KCNQ1: variants seen among roughly 807,000 people sequenced by gnomAD.
The protein encoded by KCNQ1 is potassium voltage-gated channel subfamily Q member 1.
A neutral mutation model predicts 72.4 loss-of-function variants in KCNQ1; 49 were observed. That is an observed-to-expected ratio of 0.68 (90% confidence interval 0.54 to 0.86). The LOEUF (loss-of-function observed/expected upper bound fraction) is 0.86. Among genes scored for constraint, KCNQ1 ranks in the 40% least tolerant of loss-of-function variants. KCNQ1 has a pLI of 0.00. For missense variants in KCNQ1, 790 were observed against 945.1 expected (o/e 0.84, Z 2.15); for synonymous variants, 450 against 412.6 (o/e 1.09, Z -1.10).
At chr11:2,556,042 A>G (rs927627164) in intron 2 of KCNQ1, among the ~76,000 whole-genome samples, 2 of 152,196 alleles carry the variant, frequency 1.3e-5, no homozygotes, top group Non-Finnish European at 1.5e-5. Flanking sequence ...TCTGAGCTCC[A>G]GGTATCAGCG....
intron 1 of KCNQ1, among the ~76,000 whole-genome samples, chr11:2,502,767 T>C (rs1589916078): frequency 6.6e-6 from 1 of 152,164 alleles, no homozygotes; most frequent in Non-Finnish European, 1.5e-5. Flanking sequence ...AGGGAGCACA[T>C]TACCTGAGTT....
At position 2,515,112 on chromosome 11, in the gene KCNQ1, C is replaced by A. The variant is rs531990974; in HGVS notation, c.387-12816C>A. 5.1e-4 allele frequency among the ~76,000 whole-genome samples: 78 copies of A among 152,264 alleles called. No homozygotes were observed. The highest frequency in any genetic ancestry group is 1.5e-3 in the African/African-American group (63 of 41,530). On this transcript the variant is annotated intron_variant, in intron 1 of 15. Transcript: ENST00000155840. The surrounding 1 kb of genome is among the most constrained non-coding windows in gnomAD (Gnocchi z 4.7). ...AATGGTGGGGTTTGGGCTTCTCGTG[C>A]GCCCATCAGCCGGATATTGGACGTT...
At chr11:2,799,150 A>G (rs572944855) in intron 15 of KCNQ1, among the ~76,000 whole-genome samples, 126 of 152,348 alleles carry the variant, frequency 8.3e-4, no homozygotes, top group African/African-American at 3.0e-3. Context: ...CGTGCCTGGA[A>G]CAGAAAGGGA....
At position 2,676,074 on chromosome 11, in the gene KCNQ1, C is replaced by T. The variant is rs1850288266; in HGVS notation, c.1514+13993C>T. On this transcript the variant is annotated intron_variant, in intron 11 of 15. Coordinates refer to ENST00000155840, the MANE Select transcript of KCNQ1 (RefSeq NM_000218.3). The surrounding 1 kb of genome is among the most constrained non-coding windows in gnomAD (Gnocchi z 4.2). ...TCTTTCCAGACGTATTTTATATAAA[C>T]AAATATACGTGTGTCTGTGTGTGCA... 1 of 398,476 alleles carries T rather than the reference C, an allele frequency of 2.5e-6. No homozygotes were observed. 24.7% of individuals were successfully genotyped at this position (398,476 alleles called of 1,614,324 possible).
At chr11:2,527,330 C>A (rs1030937072) in intron 1 of KCNQ1, among the ~76,000 whole-genome samples, 2 of 152,310 alleles carry the variant, frequency 1.3e-5, no homozygotes, top group African/African-American at 4.8e-5. Context: ...GGCTTCTGTG[C>A]TGTGACCACC....
In KCNQ1 at chr11:2,536,340, G is replaced by A. The variant is rs1037115740; in HGVS notation, c.477+8322G>A. 1.4e-4 allele frequency among the ~76,000 whole-genome samples: 22 copies of A among 152,224 alleles called. No individual in the cohort carries two copies. The highest frequency in any genetic ancestry group is 1.0e-3 in the South Asian group (5 of 4,822). On this transcript the variant is annotated intron_variant, in intron 2 of 15. Transcript: ENST00000155840. This position sits in a 1 kb window ranked among gnomAD's most constrained non-coding sequence, Gnocchi z 7.4. ...CCTGCGGCTCTTACAGGAGTCTCTC[G>A]TGCACCATTGCTCAACCCCCGAGAG...
At chr11:2,569,088 G>A (rs179485) in intron 2 of KCNQ1, among the ~76,000 whole-genome samples, 1 of 152,166 alleles carries the variant, frequency 6.6e-6, no homozygotes, top group Non-Finnish European at 1.5e-5. Flanking sequence ...GTTTCACCAT[G>A]TTGATCAGGC....
chr11:2,673,927 G>T lies in KCNQ1; in HGVS notation c.1514+11846G>T, dbSNP rs1184893123. 2.5e-6 allele frequency: 1 copy of T among 396,302 alleles called. No homozygotes were observed. Among genetic ancestry groups the T allele is most frequent in the South Asian group, 1.3e-4 (1 of 7,764 alleles). 24.5% of individuals were successfully genotyped at this position (396,302 alleles called of 1,614,324 possible). On this transcript the variant is annotated intron_variant, in intron 11 of 15. Transcript: ENST00000155840. The surrounding 1 kb of genome is among the most constrained non-coding windows in gnomAD (Gnocchi z 4.5). ...AGCTCACCGGGTGCTAGACAAGGGA[G>T]TGTGTCTCTTTCCCCATGAGTGACA... is the stretch of plus-strand genomic sequence containing the variant.
At position 2,752,022 on chromosome 11, in the gene KCNQ1, C is replaced by T. The variant is rs182962187; in HGVS notation, c.1515-16822C>T. Among the ~76,000 whole-genome samples, 1 of 152,354 alleles carries T rather than the reference C, an allele frequency of 6.6e-6. No individual in the cohort carries two copies. The highest frequency in any genetic ancestry group is 1.9e-4 in the East Asian group (1 of 5,184). On this transcript the variant is annotated intron_variant, in intron 11 of 15. Transcript: ENST00000155840. This position sits in a 1 kb window ranked among gnomAD's most constrained non-coding sequence, Gnocchi z 5.2. The stretch of plus-strand genomic sequence containing the variant: ...GCCACCTTGGCACCTCTCTGGGGTA[C>T]CTTGTACTGCCCTGTCCTCCCCACG...
chr11:2,563,054 G>A lies in KCNQ1; in HGVS notation c.478-7574G>A, dbSNP rs12363216. On this transcript the variant is annotated intron_variant, in intron 2 of 15. Coordinates refer to ENST00000155840, the MANE Select transcript of KCNQ1 (RefSeq NM_000218.3). This position sits in a 1 kb window ranked among gnomAD's most constrained non-coding sequence, Gnocchi z 7.4. Reference sequence around the variant, plus strand: ...TCATCCAGAGAGACAGGATGTGAGCGCAGCTGGTCAGAACCAGTTATTTCA... The same window carrying A: ...TCATCCAGAGAGACAGGATGTGAGCACAGCTGGTCAGAACCAGTTATTTCA... Among the ~76,000 whole-genome samples the A allele has an allele frequency of 2.3e-4, 35 of 152,174 alleles. No homozygotes were observed. The East Asian group carries it at 5.8e-3, about 25-fold the overall frequency.
intron 15 of KCNQ1, among the ~76,000 whole-genome samples, chr11:2,801,237 C>G (rs1253430528): frequency 6.6e-6 from 1 of 152,182 alleles, no homozygotes; most frequent in Non-Finnish European, 1.5e-5. Flanking sequence ...GTGGAGCTGT[C>G]TGTAGGTGGA....
intron 15 of KCNQ1, among the ~76,000 whole-genome samples, chr11:2,807,791 T>G (rs957732611): frequency 4.6e-5 from 7 of 151,922 alleles, no homozygotes; most frequent in Non-Finnish European, 8.8e-5. Flanking sequence ...TCTGCCTCTT[T>G]CCCCCATCAC....
chr11:2,733,810 A>G (rs1156747066), intron 11 of KCNQ1, among the ~76,000 whole-genome samples: 1 of 58,202 alleles, frequency 1.7e-5, no homozygotes, highest in African/African-American at 7.7e-5. Context: ...ACACACACAC[A>G]CACACTCTCT....
intron 15 of KCNQ1, among the ~76,000 whole-genome samples, chr11:2,789,491 G>A (rs1398711024): frequency 6.6e-6 from 1 of 152,216 alleles, no homozygotes; most frequent in Non-Finnish European, 1.5e-5. Context: ...CGCCACAGAC[G>A]AGCTTTTGCC....
At chr11:2,733,706 A>G (rs1845889776) in intron 11 of KCNQ1, among the ~76,000 whole-genome samples, 2 of 151,352 alleles carry the variant, frequency 1.3e-5, no homozygotes, top group Admixed American at 1.3e-4. Context: ...ATCTGAAGCT[A>G]TAGAGCCTCC....
chr11:2,586,141 T>TGCAGTGGCTGGGAGC (rs1188705914), intron 8 of KCNQ1, among the ~76,000 whole-genome samples: 2 of 152,164 alleles, frequency 1.3e-5, no homozygotes, highest in East Asian at 1.9e-4. Context: ...CTCCGCCCAG[T>TGCAGTGGCTGGGAGC]GCAGTGGCTG....
chr11:2,526,668 G>A lies in KCNQ1; in HGVS notation c.387-1260G>A, dbSNP rs1291180383. On this transcript the variant is annotated intron_variant, in intron 1 of 15. Coordinates refer to ENST00000155840, the MANE Select transcript of KCNQ1 (RefSeq NM_000218.3). The surrounding 1 kb of genome is among the most constrained non-coding windows in gnomAD (Gnocchi z 6.1). ...AGCCTGTTTGTTGTGGGCTCTGGGG[G>A]CCTGGGGAGGGTGGGCTGGGCTGTC... Among the ~76,000 whole-genome samples, 1 of 149,988 alleles carries A rather than the reference G, an allele frequency of 6.7e-6. No individual in the cohort carries two copies. Among genetic ancestry groups the A allele is most frequent in the Non-Finnish European group, 1.5e-5 (1 of 67,400 alleles).
chr11:2,814,974 T>C (rs1381022953), intron 15 of KCNQ1, among the ~76,000 whole-genome samples: 3 of 152,216 alleles, frequency 2.0e-5, no homozygotes, highest in Non-Finnish European at 2.9e-5. Flanking sequence ...CCCAGCGCTA[T>C]GCCCTTCTGA....
Position 2,588,044 on chromosome 11 carries a change from G to A in KCNQ1, c.1251+352G>A, listed in dbSNP as rs1407853284. Reference sequence around the variant, plus strand: ...GGTGGTGAGCAGTGGGCAGGGGGCCGCGCGCAGTGGGTGGTGGGAGGGGAG... The same window carrying A: ...GGTGGTGAGCAGTGGGCAGGGGGCCACGCGCAGTGGGTGGTGGGAGGGGAG... On this transcript the variant is annotated intron_variant, in intron 9 of 15. Transcript: ENST00000155840. This position sits in a 1 kb window ranked among gnomAD's most constrained non-coding sequence, Gnocchi z 5.6. 6.6e-5 allele frequency among the ~76,000 whole-genome samples: 10 copies of A among 152,070 alleles called. No individual in the cohort carries two copies. Among genetic ancestry groups the A allele is most frequent in the South Asian group, 4.2e-4 (2 of 4,806 alleles).
Sources: gnomAD v4.1 joint callset for allele counts (sites outside exome capture counted in the v4.1 genomes callset) on GRCh38, gnomAD v4.1.1 for gene constraint, Gnocchi (gnomAD v3.1) non-coding constraint, MANE v1.5 for transcripts, NCBI Gene and HGNC (gene_info 2026-07-23, HGNC 2026-07-21) for gene names.